Variants in JMJD1C observed in about 807,000 individuals in gnomAD.
JMJD1C encodes the protein jumonji domain containing 1C, also known as jumonji domain-containing protein 1C.
A neutral mutation model predicts 245.3 loss-of-function variants in JMJD1C; 31 were observed. The observed-to-expected ratio is 0.13, with a 90% CI of 0.09 to 0.17. The LOEUF is 0.17. Among genes scored for constraint, JMJD1C ranks in the 10% least tolerant of loss-of-function variants. The pLI is 1.00. For synonymous variants in JMJD1C, 1,057 were observed against 1,017.4 expected, an observed-to-expected ratio of 1.04 and a Z score of -0.74; for missense variants, 2,691 against 3,000.2, an observed-to-expected ratio of 0.90 and a Z score of 2.41.
At chr10:63,266,350 C>G (rs1240023754) in intron 2 of JMJD1C, among the ~76,000 whole-genome samples, 2 of 152,080 alleles carry the variant, frequency 1.3e-5, no homozygotes, top group Non-Finnish European at 2.9e-5. Flanking sequence ...CTACTGTTAT[C>G]ATTTAACACT....
intron 3 of JMJD1C, among the ~76,000 whole-genome samples, chr10:63,259,281 G>A (rs1429838669): frequency 6.6e-6 from 1 of 152,138 alleles, no homozygotes; most frequent in Non-Finnish European, 1.5e-5. Flanking sequence ...CATTTGTCTA[G>A]TAACGACCAA....
intron 1 of JMJD1C, among the ~76,000 whole-genome samples, chr10:63,421,258 C>T (rs371429241): frequency 6.6e-6 from 1 of 152,206 alleles, no homozygotes; most frequent in South Asian, 2.1e-4. Context: ...TGCTTGAATC[C>T]GGGAGGCGGA....
chr10:63,322,820 A>C (rs1941054140), intron 2 of JMJD1C, among the ~76,000 whole-genome samples: 1 of 150,148 alleles, frequency 6.7e-6, no homozygotes, highest in Non-Finnish European at 1.5e-5. Context: ...AAAAAAAAAA[A>C]AAACTTTTTT....
chr10:63,320,414 C>T (rs910838327), intron 2 of JMJD1C, among the ~76,000 whole-genome samples: 1 of 151,806 alleles, frequency 6.6e-6, no homozygotes, highest in African/African-American at 2.4e-5. Flanking sequence ...GGTCTGTGTG[C>T]TCATTTTCTT....
intron 2 of JMJD1C, among the ~76,000 whole-genome samples, chr10:63,353,727 G>A (rs768026558): frequency 1.1e-4 from 16 of 151,934 alleles, no homozygotes; most frequent in Non-Finnish European, 1.6e-4. Flanking sequence ...GGCTGGTCTC[G>A]AACTCCTGGC....
chr10:63,366,354 T>C (rs1669483184), intron 2 of JMJD1C, among the ~76,000 whole-genome samples: 1 of 152,218 alleles, frequency 6.6e-6, no homozygotes, highest in African/African-American at 2.4e-5. Flanking sequence ...TCAGAAACTC[T>C]ACATTTGGAC....
At position 63,222,705 on chromosome 10, in the gene JMJD1C, C is replaced by T. The variant is rs1848750310; in HGVS notation, c.448-2722G>A. The T allele has an allele frequency of 5.2e-6, 8 of 1,536,712 alleles. No homozygotes were observed. In the Admixed American group the frequency reaches 1.3e-4, roughly 26 times the overall value. On this transcript the variant is annotated intron_variant, in intron 3 of 25. Coordinates refer to ENST00000399262, the MANE Select transcript of JMJD1C (RefSeq NM_032776.3). ...TTTGATGGTACCAAAGAAGCAGCAG[C>T]TGCTTTGATTGACTTGGATCTTTAT...
At position 63,243,120 on chromosome 10, in the gene JMJD1C, T is replaced by TATATATATATATATATAA. The variant is rs1564668876; in HGVS notation, c.447+21530_447+21531insTTATATATATATATATAT. On this transcript the variant is annotated intron_variant, in intron 3 of 25. Coordinates refer to ENST00000399262, the MANE Select transcript of JMJD1C (RefSeq NM_032776.3). ...AACATAAATTATATATATATATATA[T>TATATATATATATATATAA]ATATAAATATATATATGGCTAGATA... is the stretch of plus-strand genomic sequence containing the variant. Among the ~76,000 whole-genome samples, 3 of 86,698 alleles carry TATATATATATATATATAA rather than the reference T, an allele frequency of 3.5e-5. No homozygotes were observed. The South Asian group carries it at 1.1e-3, about 33-fold the overall frequency. The allele number at this position is 86,698 out of a possible 152,430, so 56.9% of individuals were successfully genotyped here.
rs1485248541 is a variant in JMJD1C, at chr10:63,198,216, T to C, written c.5491+297A>G. Among the ~76,000 whole-genome samples, 4 of 152,342 alleles carry C rather than the reference T, an allele frequency of 2.6e-5. No homozygotes were observed. The East Asian group carries it at 7.7e-4, about 29-fold the overall frequency. ...ATACAAATAATTGGGGTAGATTATG[T>C]CTTTATAAGCCAAATGCTGAAATTT... is the stretch of plus-strand genomic sequence containing the variant. On this transcript the variant is annotated intron_variant, in intron 12 of 25. Transcript: ENST00000399262.
At chr10:63,259,886 T>A (rs537403615) in intron 3 of JMJD1C, among the ~76,000 whole-genome samples, 20 of 152,322 alleles carry the variant, frequency 1.3e-4, no homozygotes, top group African/African-American at 4.8e-4. Context: ...CTCCAAACTT[T>A]ATCAGCTCAT....
At position 63,396,043 on chromosome 10, in the gene JMJD1C, T is replaced by C. The variant is rs745951940; in HGVS notation, c.169-15561A>G. The stretch of plus-strand genomic sequence containing the variant: ...ACAAGACTGCATTTGTCCTAATTTA[T>C]AAATTTTTAAAAGTAAGTAAATTTT... On this transcript the variant is annotated intron_variant, in intron 1 of 25. Coordinates refer to ENST00000399262, the MANE Select transcript of JMJD1C (RefSeq NM_032776.3). 4.6e-5 allele frequency among the ~76,000 whole-genome samples: 7 copies of C among 152,146 alleles called. No homozygotes were observed. The East Asian group carries it at 7.7e-4, about 17-fold the overall frequency.
At chr10:63,245,513 G>C (rs1383158821) in intron 3 of JMJD1C, among the ~76,000 whole-genome samples, 1 of 101,184 alleles carries the variant, frequency 9.9e-6, no homozygotes, top group Non-Finnish European at 1.9e-5. Flanking sequence ...ATGAAGTCTT[G>C]CTCTTGTCCC....
intron 1 of JMJD1C, among the ~76,000 whole-genome samples, chr10:63,440,815 C>T (rs34230554): frequency 0.2 from 30,664 of 152,082 alleles, 4,056 homozygotes; most frequent in Non-Finnish European, 0.29. Context: ...AAACATAAAA[C>T]GGCACTGTGG....
intron 18 of JMJD1C, among the ~76,000 whole-genome samples, chr10:63,188,011 A>G (rs1056970617): frequency 3.9e-5 from 6 of 152,140 alleles, no homozygotes; most frequent in Non-Finnish European, 8.8e-5. Context: ...AGAGTTCCCA[A>G]AACACCTAAT....
intron 2 of JMJD1C, among the ~76,000 whole-genome samples, 164 bp from the exon 3 acceptor site, chr10:63,264,928 T>A (rs1855343523): frequency 6.6e-6 from 1 of 152,124 alleles, no homozygotes; most frequent in Non-Finnish European, 1.5e-5. Context: ...ATCTACACCA[T>A]AAGGTATCTG....
rs1171027102 is a variant in JMJD1C at position 63,288,952 on chromosome 10, TAA to T, written c.334-24190_334-24189del. On this transcript the variant is annotated intron_variant, in intron 2 of 25. Coordinates refer to ENST00000399262, the MANE Select transcript of JMJD1C (RefSeq NM_032776.3). ...ATGATAATAATCTGTATATTTTATTTAAGTCTTTTTTCTTAATCCGACATGTC... is the reference window on the plus strand; with the variant it reads ...ATGATAATAATCTGTATATTTTATTTGTCTTTTTTCTTAATCCGACATGTC... 6.0e-5 allele frequency among the ~76,000 whole-genome samples: 9 copies of T among 150,300 alleles called. No homozygotes were observed. The South Asian group carries it at 1.3e-3, about 21-fold the overall frequency.
chr10:63,399,772 G>T (rs1948737521), intron 1 of JMJD1C, among the ~76,000 whole-genome samples: 1 of 148,924 alleles, frequency 6.7e-6, no homozygotes, highest in African/African-American at 2.5e-5. Flanking sequence ...TTCCTTTTAG[G>T]ATTTTTTTTT....
rs1361358487 is a variant in JMJD1C at position 63,207,014 on chromosome 10, T to C, written c.4655A>G (p.Lys1552Arg). ...SQPNYHTKLKKAWLTRHSEED... is the reference protein window; with the variant it reads ...SQPNYHTKLKRAWLTRHSEED... ...TTCTGAGTGTCTGGTGAGCCAGGCC[T>C]TTTTCAGTTTAGTATGGTAGTTTGG... Residue 1552 changes from lysine to arginine, a missense_variant, in exon 10 of 26, where the codon AAG becomes AGG. By Grantham distance (26) the Lys-to-Arg change is conservative (BLOSUM62 2). Around this residue, in one of 9 missense-constraint regions of JMJD1C, gnomAD observed 5 missense variants for 19.3 expected, o/e 0.26. Transcript: ENST00000399262. 6.2e-7 allele frequency: 1 copy of C among 1,613,478 alleles called. No individual in the cohort carries two copies. The highest frequency in any genetic ancestry group is 2.2e-5 in the East Asian group (1 of 44,880).
At chr10:63,416,681 A>G (rs2132705452) in intron 1 of JMJD1C, among the ~76,000 whole-genome samples, 1 of 152,278 alleles carries the variant, frequency 6.6e-6, no homozygotes, top group East Asian at 1.9e-4. Flanking sequence ...AAAGAACACT[A>G]TTTTACATAA....
Sources: gnomAD v4.1 joint callset for allele counts (sites outside exome capture counted in the v4.1 genomes callset) on GRCh38, gnomAD v4.1.1 for gene constraint, gnomAD v4.1.1 regional missense constraint, MANE v1.5 for transcripts, NCBI Gene and HGNC (gene_info 2026-07-23, HGNC 2026-07-21) for gene names.